ZBTB7C: variants seen among roughly 807,000 people sequenced by gnomAD.
ZBTB7C encodes the protein zinc finger and BTB domain-containing protein 7C.
A neutral mutation model predicts 25.7 loss-of-function variants in ZBTB7C; 8 were observed. That is an observed-to-expected ratio of 0.31 (90% CI 0.18 to 0.56). The LOEUF (loss-of-function observed/expected upper bound fraction) is 0.56, where lower values mean the gene tolerates loss of function less well. ZBTB7C is among the 20% of genes least tolerant of loss of function. ZBTB7C has a pLI of 0.91. For synonymous variants in ZBTB7C, 394 were observed against 369.0 expected, an observed-to-expected ratio of 1.07 and a Z score of -0.78; for missense variants, 824 against 855.2, an observed-to-expected ratio of 0.96 and a Z score of 0.46.
chr18:48,296,089 C>T (rs957134829), intron 2 of ZBTB7C, among the ~76,000 whole-genome samples: 5 of 152,208 alleles, frequency 3.3e-5, no homozygotes, highest in Non-Finnish European at 5.9e-5. Flanking sequence ...TGCACCTCCC[C>T]CTGAAGATGG....
chr18:48,058,826 T>C (rs534202826), intron 3 of ZBTB7C, among the ~76,000 whole-genome samples: 2 of 152,170 alleles, frequency 1.3e-5, no homozygotes, highest in East Asian at 3.9e-4. Context: ...GGGGAAACCA[T>C]TGTCATCTTG....
intron 2 of ZBTB7C, among the ~76,000 whole-genome samples, chr18:48,247,513 T>C (rs2043727663): frequency 6.6e-6 from 1 of 152,226 alleles, no homozygotes; most frequent in Non-Finnish European, 1.5e-5. Flanking sequence ...CTTTGTGGCT[T>C]CCCATCTCCC....
intron 3 of ZBTB7C, among the ~76,000 whole-genome samples, chr18:48,093,629 C>A (rs12955461): frequency 5.1e-5 from 7 of 137,336 alleles, no homozygotes; most frequent in Admixed American, 2.2e-4. Flanking sequence ...AAAAAAAACA[C>A]ACACACAGAG....
intron 2 of ZBTB7C, among the ~76,000 whole-genome samples, chr18:48,223,969 T>A (rs965240683): frequency 2.6e-5 from 4 of 152,188 alleles, no homozygotes; most frequent in Admixed American, 2.0e-4. Context: ...AAAGGCCTTA[T>A]AAAAGTTGTG....
At chr18:48,401,444 G>C (rs1277070649) in intron 1 of ZBTB7C, among the ~76,000 whole-genome samples, 1 of 152,092 alleles carries the variant, frequency 6.6e-6, no homozygotes, top group Non-Finnish European at 1.5e-5. Context: ...TGAGGAAACT[G>C]ATACTCAGAG....
At chr18:48,085,981 T>C (rs959336827) in intron 3 of ZBTB7C, among the ~76,000 whole-genome samples, 23 of 152,192 alleles carry the variant, frequency 1.5e-4, no homozygotes, top group Admixed American at 1.2e-3. Context: ...CCACCTCTCC[T>C]CTCTCCCTGA....
chr18:48,336,016 C>A (rs956222198), intron 2 of ZBTB7C, among the ~76,000 whole-genome samples: 2 of 152,162 alleles, frequency 1.3e-5, no homozygotes, highest in African/African-American at 4.8e-5. Context: ...CACACCCCTC[C>A]CCTTGAGTTG....
chr18:48,191,375 G>A lies in ZBTB7C; in HGVS notation c.-78-5380C>T, dbSNP rs533023784. Among the ~76,000 whole-genome samples the A allele has an allele frequency of 4.0e-4, 61 of 152,332 alleles. 1 individual carries two copies. Among genetic ancestry groups the A allele is most frequent in the African/African-American group, 1.2e-3 (50 of 41,592 alleles). On this transcript the variant is annotated intron_variant, in intron 2 of 4. Transcript: ENST00000590800. ...GGCGAGTGACTTAACCTCTCTCTGC[G>A]TCAGATTTTTACCAGCAAACGGGGC...
At chr18:48,394,676 T>C (rs1429615213) in intron 1 of ZBTB7C, among the ~76,000 whole-genome samples, 1 of 152,152 alleles carries the variant, frequency 6.6e-6, no homozygotes, top group African/African-American at 2.4e-5. Flanking sequence ...CGTATGTGTG[T>C]AAAAATTACA....
At chr18:48,081,234 A>C (rs1380710311) in intron 3 of ZBTB7C, among the ~76,000 whole-genome samples, 2 of 152,182 alleles carry the variant, frequency 1.3e-5, no homozygotes, top group African/African-American at 4.8e-5. Context: ...AGGGAGGCTT[A>C]GCATAGCTTG....
chr18:48,158,751 A>C (rs962182341), intron 3 of ZBTB7C, among the ~76,000 whole-genome samples: 1 of 152,204 alleles, frequency 6.6e-6, no homozygotes, highest in Admixed American at 6.5e-5. Context: ...TAGACTCCAA[A>C]AGCAGAGGAT....
intron 2 of ZBTB7C, among the ~76,000 whole-genome samples, chr18:48,302,160 C>T (rs1343726001): frequency 6.6e-6 from 1 of 152,234 alleles, no homozygotes; most frequent in Non-Finnish European, 1.5e-5. Context: ...GTCCTATAAT[C>T]CCCTGTGCAG....
At chr18:48,219,538 C>T (rs1032819693) in intron 2 of ZBTB7C, among the ~76,000 whole-genome samples, 8 of 152,098 alleles carry the variant, frequency 5.3e-5, no homozygotes, top group East Asian at 1.9e-4. Context: ...CTGTAAATAG[C>T]GGGGAAAGGA....
Position 48,357,585 on chromosome 18 carries a change from C to T in ZBTB7C, c.-303-19187G>A, listed in dbSNP as rs138571572. Among the ~76,000 whole-genome samples the T allele has an allele frequency of 2.8e-4, 43 of 152,328 alleles. No homozygotes were observed. In the East Asian group the frequency reaches 7.3e-3, roughly 26 times the overall value. On this transcript the variant is annotated intron_variant, in intron 1 of 4. Coordinates refer to ENST00000590800, the MANE Select transcript of ZBTB7C (RefSeq NM_001318841.2). ...GACTCCTCAATTTGCCTTTCCCCAG[C>T]AGCACAGTCGGTGACTGCCAAGGTG...
At chr18:48,121,619 T>A (rs982750939) in intron 3 of ZBTB7C, among the ~76,000 whole-genome samples, 4 of 152,116 alleles carry the variant, frequency 2.6e-5, no homozygotes, top group African/African-American at 9.7e-5. Context: ...GGATTCTGGA[T>A]TTAGCAGCAT....
intron 3 of ZBTB7C, among the ~76,000 whole-genome samples, chr18:48,183,295 G>A (rs1450728566): frequency 6.6e-6 from 1 of 152,178 alleles, no homozygotes; most frequent in Non-Finnish European, 1.5e-5. Flanking sequence ...CCACAGTCTT[G>A]TTGGTTGTAG....
Position 48,251,068 on chromosome 18 carries a change from A to G in ZBTB7C, c.-78-65073T>C, listed in dbSNP as rs137887355. Among the ~76,000 whole-genome samples the G allele has an allele frequency of 4.5e-3, 690 of 152,254 alleles. 2 individuals are homozygous for G. Among genetic ancestry groups the G allele is most frequent in the African/African-American group, 0.016 (654 of 41,536 alleles). On this transcript the variant is annotated intron_variant, in intron 2 of 4. Coordinates refer to ENST00000590800, the MANE Select transcript of ZBTB7C (RefSeq NM_001318841.2). ...GCAAGACCTTGTTTCTACTAAAAAT[A>G]AAAATAAAAATAAATTAGCTGGGCG...
intron 3 of ZBTB7C, among the ~76,000 whole-genome samples, chr18:48,064,824 C>T (rs3935041): frequency 0.52 from 79,329 of 151,494 alleles, 21,529 homozygotes; most frequent in African/African-American, 0.64. Flanking sequence ...GAGTAGGATG[C>T]AGGCTGAAGT....
chr18:48,331,172 T>G (rs1001083952), intron 2 of ZBTB7C, among the ~76,000 whole-genome samples: 2 of 152,170 alleles, frequency 1.3e-5, no homozygotes, highest in African/African-American at 4.8e-5. Flanking sequence ...ACAGGGAACT[T>G]GTCTTCCCAC....
Sources: allele counts gnomAD v4.1 joint callset (sites outside exome capture counted in the v4.1 genomes callset), GRCh38; gene constraint gnomAD v4.1.1; transcripts MANE v1.5; gene names NCBI Gene and HGNC (gene_info 2026-07-23, HGNC 2026-07-21).